GPC5: variants seen among roughly 807,000 people sequenced by gnomAD.
GPC5 encodes glypican 5.
In GPC5, 47 loss-of-function variants were observed where a neutral mutation model predicts 53.9. That is an observed-to-expected ratio of 0.87 (90% CI 0.69 to 1.11). The LOEUF is 1.11. Ranked by LOEUF, GPC5 falls within the 50% of genes most tolerant of loss-of-function variation. The pLI is 0.00. For synonymous variants in GPC5, 286 were observed against 263.3 expected, an observed-to-expected ratio of 1.09 and a Z score of -0.84; for missense variants, 748 against 713.1, an observed-to-expected ratio of 1.05 and a Z score of -0.56.
chr13:92,109,131 A>G lies in GPC5; in HGVS notation c.1402-35699A>G, dbSNP rs2138924360. Among the ~76,000 whole-genome samples the G allele has an allele frequency of 2.7e-5, 4 of 148,284 alleles. No homozygotes were observed. The Middle Eastern group carries it at 0.014, about 518-fold the overall frequency. On this transcript the variant is annotated intron_variant, in intron 6 of 7. Transcript: ENST00000377067. ...ACCCAGGCTGGAGTGCAGTGGCACA[A>G]TCTCGGCTCACTGCAGTCTTGAACT...
At chr13:92,751,743 T>TA (rs1206149253) in intron 7 of GPC5, among the ~76,000 whole-genome samples, 6 of 110,866 alleles carry the variant, frequency 5.4e-5, no homozygotes, top group Admixed American at 4.3e-4. Context: ...ACTTAAAGTA[T>TA]AAAAAAAAAT....
At chr13:92,569,726 T>G (rs142423274) in intron 7 of GPC5, among the ~76,000 whole-genome samples, 18 of 152,262 alleles carry the variant, frequency 1.2e-4, no homozygotes, top group African/African-American at 4.1e-4. Context: ...TGTCAGGAAA[T>G]AGAATTTCAA....
chr13:92,591,778 C>T (rs1180081707), intron 7 of GPC5, among the ~76,000 whole-genome samples: 4 of 152,120 alleles, frequency 2.6e-5, no homozygotes, highest in Admixed American at 6.6e-5. Context: ...CATTGGTAAC[C>T]GCCATTCTAC....
intron 7 of GPC5, among the ~76,000 whole-genome samples, chr13:92,695,823 G>T (rs559484757): frequency 6.6e-6 from 1 of 151,984 alleles, no homozygotes; most frequent in African/African-American, 2.4e-5. Context: ...TCTACATTAG[G>T]TATTTCTCCT....
intron 6 of GPC5, among the ~76,000 whole-genome samples, chr13:92,091,270 T>C (rs556347358): frequency 6.6e-6 from 1 of 152,242 alleles, no homozygotes; most frequent in South Asian, 2.1e-4. Flanking sequence ...TAAGTGATAA[T>C]TTTCTCATTA....
rs183401288 is a variant in GPC5 at position 91,827,716 on chromosome 13, T to G, written c.1280+71296T>G. Among the ~76,000 whole-genome samples, 243 of 152,230 alleles carry G rather than the reference T, an allele frequency of 1.6e-3. 1 individual carries two copies. The Middle Eastern group carries it at 0.054, about 34-fold the overall frequency. Reference sequence around the variant, plus strand: ...GACTTAAACTGTTTCTTGCTGAGCGTATAGAATAACTCCTATACTGATTGA... The same window carrying G: ...GACTTAAACTGTTTCTTGCTGAGCGGATAGAATAACTCCTATACTGATTGA... On this transcript the variant is annotated intron_variant, in intron 5 of 7. Transcript: ENST00000377067.
intron 7 of GPC5, among the ~76,000 whole-genome samples, chr13:92,630,303 AAT>A (rs1396841733): frequency 2.0e-5 from 3 of 152,156 alleles, no homozygotes; most frequent in Admixed American, 2.0e-4. Context: ...AAGAATTGGC[AAT>A]ATAATAAAAT....
intron 6 of GPC5, among the ~76,000 whole-genome samples, chr13:91,921,327 A>G (rs964671128): frequency 1.3e-5 from 2 of 152,164 alleles, no homozygotes; most frequent in Admixed American, 6.5e-5. Flanking sequence ...GAAACATAAC[A>G]TTGAATACAT....
At chr13:92,424,649 T>C (rs1444936359) in intron 7 of GPC5, among the ~76,000 whole-genome samples, 1 of 73,734 alleles carries the variant, frequency 1.4e-5, no homozygotes, top group Admixed American at 1.6e-4. Context: ...GATCTCTGTA[T>C]TTTTTTTTTT....
At chr13:91,981,502 G>T (rs2040358981) in intron 6 of GPC5, among the ~76,000 whole-genome samples, 1 of 152,166 alleles carries the variant, frequency 6.6e-6, no homozygotes, top group Non-Finnish European at 1.5e-5. Flanking sequence ...TGTTAGCCAG[G>T]ATGGTCTCGA....
intron 7 of GPC5, among the ~76,000 whole-genome samples, chr13:92,146,519 T>A (rs951110331): frequency 3.3e-5 from 5 of 152,148 alleles, no homozygotes; most frequent in African/African-American, 9.7e-5. Context: ...TATTATTTTT[T>A]AATTTCCTTA....
chr13:91,591,741 G>T (rs1346054621), intron 2 of GPC5, among the ~76,000 whole-genome samples: 3 of 152,068 alleles, frequency 2.0e-5, no homozygotes, highest in African/African-American at 7.2e-5. Flanking sequence ...TAATACTTTT[G>T]ATTGTATTAT....
At chr13:91,904,599 C>T (rs1181036351) in intron 5 of GPC5, among the ~76,000 whole-genome samples, 1 of 151,812 alleles carries the variant, frequency 6.6e-6, no homozygotes, top group Non-Finnish European at 1.5e-5. Context: ...CCAGATTCTC[C>T]AGCTGTAGAA....
chr13:91,859,178 C>G (rs188870944), intron 5 of GPC5, among the ~76,000 whole-genome samples: 1 of 151,304 alleles, frequency 6.6e-6, no homozygotes, highest in Non-Finnish European at 1.5e-5. Flanking sequence ...TTCCTTTCTT[C>G]TATACTTATT....
chr13:91,872,247 T>A (rs1052493252), intron 5 of GPC5, among the ~76,000 whole-genome samples: 6 of 152,078 alleles, frequency 3.9e-5, no homozygotes, highest in Non-Finnish European at 7.4e-5. Context: ...AGATACCCCG[T>A]GACAGGCTGA....
intron 7 of GPC5, among the ~76,000 whole-genome samples, chr13:92,751,303 TAAAAAAAAAAA>T (rs71123435): frequency 0.015 from 589 of 38,838 alleles, 16 homozygotes; most frequent in African/African-American, 0.047. Flanking sequence ...CAGAAACATT[TAAAAAAAAAAA>T]AAAAAAAAAA....
chr13:91,783,726 G>A (rs980237184), intron 5 of GPC5, among the ~76,000 whole-genome samples: 11 of 152,150 alleles, frequency 7.2e-5, no homozygotes, highest in African/African-American at 2.2e-4. Context: ...ATAGTTATGA[G>A]CCACTGTGCC....
At chr13:92,284,610 C>A (rs571034841) in intron 7 of GPC5, among the ~76,000 whole-genome samples, 1 of 152,118 alleles carries the variant, frequency 6.6e-6, no homozygotes, top group Non-Finnish European at 1.5e-5. Context: ...TAAACATAAA[C>A]CAGCATATAA....
At chr13:92,174,279 T>C (rs2042092022) in intron 7 of GPC5, among the ~76,000 whole-genome samples, 1 of 150,536 alleles carries the variant, frequency 6.6e-6, no homozygotes, top group South Asian at 2.1e-4. Flanking sequence ...TCCAGCGCTT[T>C]GGGAGGCCGA....
Sources: gnomAD v4.1 joint callset for allele counts (sites outside exome capture counted in the v4.1 genomes callset) on GRCh38, gnomAD v4.1.1 for gene constraint, MANE v1.5 for transcripts, NCBI Gene and HGNC (gene_info 2026-07-23, HGNC 2026-07-21) for gene names.